The following DPP10 variants were observed in gnomAD, a reference collection of about 807,000 sequenced individuals.
DPP10 encodes inactive dipeptidyl peptidase 10.
A neutral mutation model predicts 120.9 loss-of-function variants in DPP10; 33 were observed. The ratio of observed to expected loss-of-function variants is 0.27; its 90% CI spans 0.21 to 0.37. DPP10 has a LOEUF of 0.37. DPP10 is among the 10% of genes least tolerant of loss of function. The pLI is 1.00. For synonymous variants in DPP10, 337 were observed against 326.1 expected (o/e 1.03, Z -0.36); for missense variants, 816 against 942.8 (o/e 0.87, Z 1.76).
At chr2:115,557,270 C>T (rs911085183) in intron 5 of DPP10, among the ~76,000 whole-genome samples, 1 of 152,208 alleles carries the variant, frequency 6.6e-6, no homozygotes, top group South Asian at 2.1e-4. Flanking sequence ...TGACACTACA[C>T]TACTTCTAAG....
intron 1 of DPP10, among the ~76,000 whole-genome samples, chr2:115,069,326 T>G (rs903966693): frequency 6.6e-6 from 1 of 152,204 alleles, no homozygotes. Context: ...CCTATTTTCT[T>G]TTTTGGGTGT....
intron 1 of DPP10, among the ~76,000 whole-genome samples, chr2:115,029,246 T>A (rs1181679366): frequency 1.3e-5 from 2 of 152,072 alleles, no homozygotes; most frequent in Non-Finnish European, 2.9e-5. Context: ...GCTTTTTGTT[T>A]TCTCAGTTTA....
chr2:114,964,391 C>T (rs949228714), intron 1 of DPP10, among the ~76,000 whole-genome samples: 8 of 151,842 alleles, frequency 5.3e-5, no homozygotes, highest in African/African-American at 1.7e-4. Flanking sequence ...CGAAATGCTG[C>T]AGTAGATGGG....
At chr2:115,446,977 C>G (rs1473865556) in intron 3 of DPP10, among the ~76,000 whole-genome samples, 1 of 152,170 alleles carries the variant, frequency 6.6e-6, no homozygotes, top group East Asian at 1.9e-4. Flanking sequence ...TGCTCTTGCT[C>G]TATCACCATG....
intron 1 of DPP10, among the ~76,000 whole-genome samples, chr2:114,649,576 T>C (rs1351419988): frequency 2.0e-5 from 3 of 151,972 alleles, no homozygotes; most frequent in Non-Finnish European, 4.4e-5. Context: ...ATGGTCTCGA[T>C]CTCCTGACCT....
intron 1 of DPP10, among the ~76,000 whole-genome samples, chr2:114,689,575 T>C (rs1255597789): frequency 6.6e-6 from 1 of 152,114 alleles, no homozygotes; most frequent in Non-Finnish European, 1.5e-5. Flanking sequence ...TAGTATAATT[T>C]ATATTCCTTT....
intron 1 of DPP10, among the ~76,000 whole-genome samples, chr2:114,716,690 G>A (rs1701369736): frequency 6.6e-6 from 1 of 152,126 alleles, no homozygotes; most frequent in African/African-American, 2.4e-5. Context: ...AAAAGATAAA[G>A]TAGATAATTT....
chr2:115,589,113 A>G (rs2082470255), intron 5 of DPP10, among the ~76,000 whole-genome samples: 1 of 152,192 alleles, frequency 6.6e-6, no homozygotes, highest in Non-Finnish European at 1.5e-5. Context: ...GCAAAAATCT[A>G]TGATGAATTA....
intron 5 of DPP10, among the ~76,000 whole-genome samples, chr2:115,677,315 G>GA (rs2090343059): frequency 6.6e-6 from 1 of 152,002 alleles, no homozygotes; most frequent in Non-Finnish European, 1.5e-5. Context: ...AATCAATATA[G>GA]AAAATCAACA....
chr2:115,793,838 C>T (rs1038533771), intron 19 of DPP10, among the ~76,000 whole-genome samples: 1 of 151,816 alleles, frequency 6.6e-6, no homozygotes, highest in Non-Finnish European at 1.5e-5. Flanking sequence ...ATGTGACTTA[C>T]AAAATCCAAA....
At position 115,498,494 on chromosome 2, in the gene DPP10, T is replaced by C. The variant is rs550372320; in HGVS notation, c.272-1016T>C. 3.6e-4 allele frequency among the ~76,000 whole-genome samples: 55 copies of C among 152,022 alleles called. No individual in the cohort carries two copies. In the South Asian group the frequency reaches 0.01, roughly 29 times the overall value. Reference sequence around the variant, plus strand: ...TCAGTTTCTGAGAGATTGTAACTTATACACATTCATTCACTATAAGTAGTG... The same window carrying C: ...TCAGTTTCTGAGAGATTGTAACTTACACACATTCATTCACTATAAGTAGTG... On this transcript the variant is annotated intron_variant, in intron 3 of 25. Coordinates refer to ENST00000410059, the MANE Select transcript of DPP10 (RefSeq NM_020868.6).
intron 1 of DPP10, among the ~76,000 whole-genome samples, chr2:115,179,416 T>C (rs895125243): frequency 1.1e-4 from 16 of 152,174 alleles, no homozygotes; most frequent in African/African-American, 3.4e-4. Flanking sequence ...TGATAATGAA[T>C]ACGTGGTGTG....
intron 1 of DPP10, among the ~76,000 whole-genome samples, chr2:114,463,834 T>C (rs1333602335): frequency 6.6e-6 from 1 of 152,174 alleles, no homozygotes; most frequent in Non-Finnish European, 1.5e-5. Flanking sequence ...AAATCTCTGA[T>C]CAGTTTTCTG....
At chr2:115,699,654 A>T (rs923715517) in intron 7 of DPP10, among the ~76,000 whole-genome samples, 2 of 152,220 alleles carry the variant, frequency 1.3e-5, no homozygotes, top group African/African-American at 4.8e-5. Flanking sequence ...TTTTCCAAAA[A>T]GTCAAAGAGG....
At chr2:115,498,623 T>C (rs747082089) in intron 3 of DPP10, among the ~76,000 whole-genome samples, 1 of 151,076 alleles carries the variant, frequency 6.6e-6, no homozygotes, top group Non-Finnish European at 1.5e-5. Context: ...GTAAAAAGAT[T>C]ATGATTTAAA....
chr2:115,443,298 T>C (rs1288849887), intron 3 of DPP10, among the ~76,000 whole-genome samples: 1 of 152,190 alleles, frequency 6.6e-6, no homozygotes, highest in African/African-American at 2.4e-5. Context: ...CCAGACTTTT[T>C]TCTCTGAATG....
intron 1 of DPP10, among the ~76,000 whole-genome samples, chr2:114,956,873 T>C (rs901510479): frequency 6.6e-6 from 1 of 151,616 alleles, no homozygotes; most frequent in African/African-American, 2.4e-5. Flanking sequence ...TAACTGGTGT[T>C]TGGAAAGCTG....
chr2:115,483,455 C>CTATT, intron 3 of DPP10, among the ~76,000 whole-genome samples: 1 of 83,102 alleles, frequency 1.2e-5, no homozygotes, highest in Admixed American at 1.6e-4. Context: ...ATCTATCTAT[C>CTATT]TATCTATCTA....
At chr2:115,238,130 G>C (rs1177259094) in intron 1 of DPP10, among the ~76,000 whole-genome samples, 1 of 152,168 alleles carries the variant, frequency 6.6e-6, no homozygotes, top group Non-Finnish European at 1.5e-5. Context: ...AGGACAGGCT[G>C]ACTCTTTTGT....
Sources: allele counts gnomAD v4.1 joint callset (sites outside exome capture counted in the v4.1 genomes callset), GRCh38; gene constraint gnomAD v4.1.1; transcripts MANE v1.5; gene names NCBI Gene and HGNC (gene_info 2026-07-23, HGNC 2026-07-21).